The following DLG2 variants were observed in gnomAD, a reference collection of about 807,000 sequenced individuals.
DLG2 encodes the protein disks large homolog 2.
A neutral mutation model predicts 132.5 loss-of-function variants in DLG2; 45 were observed. That is an observed-to-expected ratio of 0.34 (90% CI 0.27 to 0.44). DLG2 has a LOEUF of 0.44. Ranked by LOEUF, DLG2 falls within the 20% of genes least tolerant of loss-of-function variation. The pLI is 1.00. For missense variants in DLG2, 1,045 were observed against 1,196.9 expected (o/e 0.87, Z 1.87); for synonymous variants, 424 against 419.6 (o/e 1.01, Z -0.13).
intron 18 of DLG2, among the ~76,000 whole-genome samples, chr11:83,708,478 T>G (rs181144995): frequency 8.5e-4 from 129 of 152,284 alleles, no homozygotes; most frequent in African/African-American, 2.8e-3. Flanking sequence ...ATATAACCTA[T>G]GAAAGGTGTG....
chr11:85,385,376 GT>G (rs1367352676), intron 3 of DLG2, among the ~76,000 whole-genome samples: 1 of 152,036 alleles, frequency 6.6e-6, no homozygotes, highest in African/African-American at 2.4e-5. Flanking sequence ...TAGGTTTTTT[GT>G]TTGTTTTGTT....
chr11:84,393,122 C>A (rs765391251), intron 7 of DLG2, among the ~76,000 whole-genome samples: 2 of 152,058 alleles, frequency 1.3e-5, no homozygotes, highest in African/African-American at 2.4e-5. Context: ...CAGACGGGAT[C>A]GCCTTTGAAT....
intron 11 of DLG2, among the ~76,000 whole-genome samples, chr11:84,038,639 T>A (rs1378308449): frequency 6.6e-6 from 1 of 152,086 alleles, no homozygotes; most frequent in Non-Finnish European, 1.5e-5. Flanking sequence ...TCAGTTACTT[T>A]TCAAGATATT....
chr11:84,831,303 CT>C (rs1279189916), intron 6 of DLG2, among the ~76,000 whole-genome samples: 1 of 151,550 alleles, frequency 6.6e-6, no homozygotes, highest in African/African-American at 2.4e-5. Context: ...TCTATGTCAT[CT>C]CTTACGAATA....
At chr11:84,134,692 C>CTGTGTG (rs5793105) in intron 9 of DLG2, among the ~76,000 whole-genome samples, 1,663 of 149,618 alleles carry the variant, frequency 0.011, 17 homozygotes, top group East Asian at 0.045. Flanking sequence ...CTTTTGTTAT[C>CTGTGTG]TGTGTGTGTG....
chr11:85,496,782 A>T (rs894737481), intron 3 of DLG2, among the ~76,000 whole-genome samples: 34 of 152,164 alleles, frequency 2.2e-4, no homozygotes, highest in African/African-American at 8.2e-4. Flanking sequence ...ACCCAGGCAA[A>T]CAGGGTCTGG....
intron 6 of DLG2, among the ~76,000 whole-genome samples, chr11:84,633,512 C>G (rs1443463063): frequency 6.6e-6 from 1 of 152,068 alleles, no homozygotes; most frequent in African/African-American, 2.4e-5. Flanking sequence ...TTCTTGACTG[C>G]CTCCTCTTCC....
intron 6 of DLG2, among the ~76,000 whole-genome samples, chr11:84,596,067 C>T (rs2099556040): frequency 6.6e-6 from 1 of 152,190 alleles, no homozygotes; most frequent in Non-Finnish European, 1.5e-5. Flanking sequence ...TCCACATTAA[C>T]ACCTAGCATT....
chr11:84,774,101 A>T (rs998163900), intron 6 of DLG2, among the ~76,000 whole-genome samples: 1 of 152,128 alleles, frequency 6.6e-6, no homozygotes, highest in East Asian at 1.9e-4. Flanking sequence ...AGGACACAAA[A>T]TCAATGTAAA....
In DLG2 at chr11:83,629,703, G is replaced by C. The variant is rs184031137; in HGVS notation, c.1940+3508C>G. On this transcript the variant is annotated intron_variant, in intron 19 of 27. Coordinates refer to ENST00000376104, the MANE Select transcript of DLG2 (RefSeq NM_001142699.3). ...TCAGCTAGTAGATAAGAAGGGAAAAGGATATTTTAGAGTAGGGAGATCTTC... is the reference window on the plus strand; with the variant it reads ...TCAGCTAGTAGATAAGAAGGGAAAACGATATTTTAGAGTAGGGAGATCTTC... 5.3e-5 allele frequency among the ~76,000 whole-genome samples: 8 copies of C among 152,196 alleles called. No homozygotes were observed. In the East Asian group the frequency reaches 7.7e-4, roughly 15 times the overall value.
intron 3 of DLG2, among the ~76,000 whole-genome samples, chr11:85,461,950 T>G (rs975640990): frequency 3.3e-5 from 5 of 151,830 alleles, no homozygotes; most frequent in African/African-American, 1.2e-4. Flanking sequence ...TCAAACAAAT[T>G]TACAAGAAAA....
intron 19 of DLG2, among the ~76,000 whole-genome samples, chr11:83,542,822 A>G (rs2096119891): frequency 6.6e-6 from 1 of 152,212 alleles, no homozygotes; most frequent in African/African-American, 2.4e-5. Flanking sequence ...CACATACAGC[A>G]TATGACTTTC....
At chr11:84,589,657 A>G (rs538644533) in intron 6 of DLG2, among the ~76,000 whole-genome samples, 1 of 152,200 alleles carries the variant, frequency 6.6e-6, no homozygotes, top group Non-Finnish European at 1.5e-5. Flanking sequence ...TTCTTCTATT[A>G]TAACATGCAT....
At chr11:84,789,960 C>A (rs1321863153) in intron 6 of DLG2, among the ~76,000 whole-genome samples, 3 of 152,036 alleles carry the variant, frequency 2.0e-5, no homozygotes, top group Non-Finnish European at 2.9e-5. Flanking sequence ...TGTATATGTA[C>A]CACATTTTCT....
At chr11:85,187,104 A>G (rs978168202) in intron 4 of DLG2, among the ~76,000 whole-genome samples, 1 of 152,140 alleles carries the variant, frequency 6.6e-6, no homozygotes, top group Non-Finnish European at 1.5e-5. Flanking sequence ...ATATCTTTGC[A>G]GTCAAAAAAC....
At chr11:84,952,592 T>TA (rs377700153) in intron 6 of DLG2, among the ~76,000 whole-genome samples, 8,683 of 141,656 alleles carry the variant, frequency 0.061, 281 homozygotes, top group Admixed American at 0.075. Flanking sequence ...AGTTTAATAT[T>TA]AAAAAAAAAA....
intron 3 of DLG2, among the ~76,000 whole-genome samples, chr11:85,564,409 A>C (rs907108538): frequency 6.6e-6 from 1 of 151,838 alleles, no homozygotes; most frequent in African/African-American, 2.4e-5. Context: ...TCTGTGATCC[A>C]TTTTGAGTTA....
intron 6 of DLG2, among the ~76,000 whole-genome samples, chr11:84,618,602 A>T (rs2099608590): frequency 6.6e-6 from 1 of 152,096 alleles, no homozygotes; most frequent in Non-Finnish European, 1.5e-5. Context: ...ATCTAAAGTT[A>T]AGCAAGACTC....
intron 6 of DLG2, among the ~76,000 whole-genome samples, chr11:84,735,542 G>C (rs1009289591): frequency 1.3e-5 from 2 of 151,930 alleles, no homozygotes; most frequent in African/African-American, 4.8e-5. Context: ...TTCGTTATTA[G>C]TCTTACTAGC....
Sources: allele counts gnomAD v4.1 joint callset (sites outside exome capture counted in the v4.1 genomes callset), GRCh38; gene constraint gnomAD v4.1.1; transcripts MANE v1.5; gene names NCBI Gene and HGNC (gene_info 2026-07-23, HGNC 2026-07-21).